The following FAAH2 variants were observed in gnomAD, a reference collection of about 807,000 sequenced individuals.
FAAH2 encodes fatty acid amide hydrolase 2, also known as fatty-acid amide hydrolase 2.
FAAH2 carries 60 observed loss-of-function variants against 36.9 expected under a neutral mutation model. That is an observed-to-expected ratio of 1.63 (90% CI 1.32 to 2.02). FAAH2 has a LOEUF of 2.02. FAAH2 is among the 30% of genes most tolerant of loss of function. FAAH2 has a pLI of 0.00. For missense variants in FAAH2, 689 were observed against 397.5 expected (o/e 1.73, Z -6.23); for synonymous variants, 214 against 143.8 (o/e 1.49, Z -3.49).
At position 57,382,023 on chromosome X, in the gene FAAH2, G is replaced by A. The variant is rs773795016; in HGVS notation, c.996+994G>A. ...ACTAGAACTCAGGATTAAGAAACTC[G>A]CTCAAAACCGCTTAACTACATGGAA... is the stretch of plus-strand genomic sequence containing the variant. On this transcript the variant is annotated intron_variant, in intron 7 of 10. Transcript: ENST00000374900. Among the ~76,000 whole-genome samples the A allele has an allele frequency of 8.8e-4, 98 of 111,171 alleles. 1 individual carries two copies. The highest frequency in any genetic ancestry group is 2.7e-3 in the African/African-American group (82 of 30,665).
intron 8 of FAAH2, among the ~76,000 whole-genome samples, chrX:57,436,088 T>C (rs1195389185): frequency 9.0e-6 from 1 of 111,147 alleles, no homozygotes; most frequent in African/African-American, 3.3e-5. Flanking sequence ...TACAAATACA[T>C]GGAAATCAAA....
chrX:57,160,587 G>T, the FAAH2 span, among the ~76,000 whole-genome samples: 1 of 111,945 alleles, frequency 8.9e-6, no homozygotes, highest in East Asian at 2.8e-4. Context: ...ATGTGTTGAG[G>T]AATTTATCCA....
At chrX:57,402,354 A>G in intron 7 of FAAH2, among the ~76,000 whole-genome samples, 1 of 112,225 alleles carries the variant, frequency 8.9e-6, no homozygotes, top group East Asian at 2.8e-4. Flanking sequence ...CAATTTGCCC[A>G]GCTTTTCCGT....
chrX:57,395,327 T>G, intron 7 of FAAH2: 1 of 668,762 alleles, frequency 1.5e-6, no homozygotes, highest in East Asian at 3.8e-5. Context: ...GTACTTGTCC[T>G]TCAACTGAGT....
intron 10 of FAAH2, among the ~76,000 whole-genome samples, chrX:57,461,854 A>G (rs764259345): frequency 1.7e-4 from 19 of 110,551 alleles, no homozygotes; most frequent in Non-Finnish European, 3.2e-4. Context: ...ATCAATGAAT[A>G]CAGGAGCTGG....
chrX:57,129,059 G>A, the FAAH2 span, among the ~76,000 whole-genome samples: 4 of 111,840 alleles, frequency 3.6e-5, no homozygotes, highest in African/African-American at 1.3e-4. Flanking sequence ...ACTTTGAAGT[G>A]GAAACAAGCT....
chrX:57,460,265 C>T (rs1346702765), intron 10 of FAAH2, among the ~76,000 whole-genome samples: 1 of 111,527 alleles, frequency 9.0e-6, no homozygotes. Flanking sequence ...CTTCCCCAAC[C>T]TAGCAAGACA....
At chrX:57,328,739 T>G (rs778756455) in intron 3 of FAAH2, among the ~76,000 whole-genome samples, 1 of 111,838 alleles carries the variant, frequency 8.9e-6, no homozygotes, top group Non-Finnish European at 1.9e-5. Context: ...GTTTTTCTTT[T>G]ATTCTAGTTG....
chrX:57,484,124 C>T lies in FAAH2; in HGVS notation c.1424-4633C>T, dbSNP rs771424627. Among the ~76,000 whole-genome samples, 70 of 110,841 alleles carry T rather than the reference C, an allele frequency of 6.3e-4. 1 individual carries two copies. Among genetic ancestry groups the T allele is most frequent in the African/African-American group, 2.0e-3 (60 of 30,456 alleles). ...CCAGCCACTGGCAACTTTTTTATTG[C>T]GCTTTTCACTTTGACCTGCTGGCCA... On this transcript the variant is annotated intron_variant, in intron 10 of 10. Coordinates refer to ENST00000374900, the MANE Select transcript of FAAH2 (RefSeq NM_174912.4).
chrX:57,283,420 G>A (rs765879544), upstream of FAAH2, among the ~76,000 whole-genome samples: 92 of 110,827 alleles, frequency 8.3e-4, no homozygotes, highest in African/African-American at 3.0e-3. Context: ...GAGAGAGTGG[G>A]CTCTTCTTTG....
intron 7 of FAAH2, among the ~76,000 whole-genome samples, chrX:57,408,297 T>C (rs1432367346): frequency 9.0e-6 from 1 of 111,077 alleles, no homozygotes; most frequent in Non-Finnish European, 1.9e-5. Context: ...ACATGGAATA[T>C]CTTTCCATTC....
At chrX:57,209,157 G>A in the FAAH2 span, among the ~76,000 whole-genome samples, 1 of 111,431 alleles carries the variant, frequency 9.0e-6, no homozygotes, top group Admixed American at 9.5e-5. Context: ...GTGCCCTCTT[G>A]GTACTTTTTC....
intron 10 of FAAH2, among the ~76,000 whole-genome samples, chrX:57,482,095 G>A (rs893273828): frequency 2.7e-4 from 30 of 111,425 alleles, no homozygotes; most frequent in African/African-American, 9.1e-4. Context: ...CCCCCACCAA[G>A]CTCAATTGTC....
At chrX:57,394,794 C>T (rs1028534094) in intron 7 of FAAH2, 4 of 1,012,734 alleles carry the variant, frequency 3.9e-6, no homozygotes, top group African/African-American at 3.7e-5. Context: ...AGGATGTCGC[C>T]TTTATTTACC....
At chrX:57,267,521 G>A in the FAAH2 span, among the ~76,000 whole-genome samples, 4 of 112,465 alleles carry the variant, frequency 3.6e-5, no homozygotes, top group Non-Finnish European at 7.5e-5. Flanking sequence ...CTCTAGCAGG[G>A]TACTACCATA....
intron 5 of FAAH2, among the ~76,000 whole-genome samples, chrX:57,364,273 T>C (rs925112839): frequency 2.7e-5 from 3 of 109,452 alleles, no homozygotes; most frequent in African/African-American, 9.9e-5. Context: ...TCTTTCTGGT[T>C]CAATCTTGGG....
chrX:57,177,023 AT>A, the FAAH2 span, among the ~76,000 whole-genome samples: 9 of 110,914 alleles, frequency 8.1e-5, 1 homozygote, highest in Non-Finnish European at 1.7e-4. Flanking sequence ...TAAAAAAAAA[AT>A]CCCCAGTATT....
At chrX:57,473,341 G>T (rs892336111) in intron 10 of FAAH2, among the ~76,000 whole-genome samples, 2 of 111,261 alleles carry the variant, frequency 1.8e-5, no homozygotes, top group Non-Finnish European at 3.8e-5. Context: ...AGTTTTGAGA[G>T]ATTTTCTTGT....
chrX:57,194,829 A>C, the FAAH2 span, among the ~76,000 whole-genome samples: 2 of 111,360 alleles, frequency 1.8e-5, no homozygotes, highest in Non-Finnish European at 3.8e-5. Context: ...AGTGAGAGCT[A>C]TAAGTGTTTC....
Sources: gnomAD v4.1 joint callset for allele counts (sites outside exome capture counted in the v4.1 genomes callset) on GRCh38, gnomAD v4.1.1 for gene constraint, MANE v1.5 for transcripts, NCBI Gene and HGNC (gene_info 2026-07-23, HGNC 2026-07-21) for gene names.